ADAMTS6: variants seen among roughly 807,000 people sequenced by gnomAD.
ADAMTS6 encodes A disintegrin and metalloproteinase with thrombospondin motifs 6.
ADAMTS6 carries 23 observed loss-of-function variants against 144.3 expected under a neutral mutation model. The observed-to-expected ratio is 0.16, with a 90% CI of 0.11 to 0.23. ADAMTS6 has a LOEUF of 0.23. Among genes scored for constraint, ADAMTS6 ranks in the 10% least tolerant of loss-of-function variants. ADAMTS6 has a pLI of 1.00. For synonymous variants in ADAMTS6, 444 were observed against 457.5 expected (o/e 0.97, Z 0.38); for missense variants, 999 against 1,379.6 (o/e 0.72, Z 4.37).
At chr5:65,376,548 C>T (rs1751570423) in intron 7 of ADAMTS6, among the ~76,000 whole-genome samples, 1 of 152,064 alleles carries the variant, frequency 6.6e-6, no homozygotes, top group Non-Finnish European at 1.5e-5. Flanking sequence ...AACAGCTTTA[C>T]AGGCCCGGCA....
intron 7 of ADAMTS6, among the ~76,000 whole-genome samples, chr5:65,405,968 A>G (rs1754433697): frequency 6.6e-6 from 1 of 152,152 alleles, no homozygotes; most frequent in Non-Finnish European, 1.5e-5. Flanking sequence ...GGTGTATAAG[A>G]ATGCTTGTGA....
At chr5:65,305,297 C>T (rs1743823642) in intron 9 of ADAMTS6, among the ~76,000 whole-genome samples, 1 of 152,104 alleles carries the variant, frequency 6.6e-6, no homozygotes, top group Non-Finnish European at 1.5e-5. Context: ...AGTAAACACA[C>T]ATGCAAAACA....
intron 20 of ADAMTS6, chr5:65,198,622 A>G (rs1324130582): frequency 1.2e-5 from 2 of 167,104 alleles, no homozygotes; most frequent in African/African-American, 4.8e-5. Flanking sequence ...CTTCCATGAC[A>G]GTGGTGAGCA....
chr5:65,194,527 T>C (rs1755214624), intron 21 of ADAMTS6, among the ~76,000 whole-genome samples: 1 of 152,214 alleles, frequency 6.6e-6, no homozygotes, highest in South Asian at 2.1e-4. Flanking sequence ...TGCAATGTTT[T>C]CAACTTTGTA....
intron 16 of ADAMTS6, 25 bp downstream of exon 16, chr5:65,226,061 C>A (rs1022772142): frequency 5.1e-6 from 8 of 1,581,558 alleles, no homozygotes; most frequent in Admixed American, 3.5e-5. Flanking sequence ...AAAACCCCAA[C>A]AGAAAGGAGT....
intron 10 of ADAMTS6, chr5:65,297,318 A>T (rs1742936592): frequency 2.2e-6 from 1 of 447,838 alleles, no homozygotes; most frequent in Admixed American, 2.5e-5. Context: ...TTAGAATGAC[A>T]CGAGAGACTT....
At chr5:65,282,000 A>G (rs1204357025) in intron 11 of ADAMTS6, among the ~76,000 whole-genome samples, 1 of 152,188 alleles carries the variant, frequency 6.6e-6, no homozygotes, top group African/African-American at 2.4e-5. Context: ...AGCTTACACA[A>G]GGGGAGGAGG....
At chr5:65,238,853 C>A (rs1758909682) in intron 15 of ADAMTS6, among the ~76,000 whole-genome samples, 2 of 152,156 alleles carry the variant, frequency 1.3e-5, no homozygotes, top group South Asian at 4.1e-4. Flanking sequence ...GTTTAATACT[C>A]AGTTTTTCCC....
rs1029673817 is a variant in ADAMTS6 at position 65,275,371 on chromosome 5, G to C, written c.1513-1924C>G. On this transcript the variant is annotated intron_variant, in intron 11 of 24. Coordinates refer to ENST00000381055, the MANE Select transcript of ADAMTS6 (RefSeq NM_197941.4). ...GAAAGAAGAGAAAGAAAGAAAGAAA[G>C]AAAGAAAGAAAGAAAGAAAGAAAGA... 3.1e-4 allele frequency among the ~76,000 whole-genome samples: 35 copies of C among 113,274 alleles called. 1 individual carries two copies. The highest frequency in any genetic ancestry group is 1.2e-3 in the African/African-American group (35 of 28,938). The allele number at this position is 113,274 out of a possible 152,430, so 74.3% of individuals were successfully genotyped here.
chr5:65,170,854 T>G, intron 23 of ADAMTS6, 81 bp from the exon 24 acceptor site: 1 of 1,435,082 alleles, frequency 7.0e-7, no homozygotes, highest in Non-Finnish European at 9.5e-7. Flanking sequence ...TCATTTCAAA[T>G]ACAACACAAT....
At chr5:65,374,723 T>C (rs916272320) in intron 7 of ADAMTS6, among the ~76,000 whole-genome samples, 14 of 152,336 alleles carry the variant, frequency 9.2e-5, no homozygotes, top group African/African-American at 3.1e-4. Flanking sequence ...CCCATCAAGC[T>C]ACCAATGACT....
At chr5:65,352,232 A>T (rs929134594) in intron 7 of ADAMTS6, among the ~76,000 whole-genome samples, 4 of 144,966 alleles carry the variant, frequency 2.8e-5, no homozygotes, top group Admixed American at 1.5e-4. Flanking sequence ...TAACCAAAAG[A>T]AGAATTTAAA....
intron 14 of ADAMTS6, among the ~76,000 whole-genome samples, chr5:65,248,144 T>A (rs1418140564): frequency 6.6e-6 from 1 of 152,154 alleles, no homozygotes; most frequent in Non-Finnish European, 1.5e-5. Context: ...ATTTCCTGAC[T>A]CCCTAGTTAT....
At chr5:65,360,888 T>C (rs917055894) in intron 7 of ADAMTS6, among the ~76,000 whole-genome samples, 1 of 152,326 alleles carries the variant, frequency 6.6e-6, no homozygotes, top group East Asian at 1.9e-4. Context: ...TAAAACTTTT[T>C]ACCAATTTTT....
chr5:65,466,776 C>T (rs972249615), intron 3 of ADAMTS6, among the ~76,000 whole-genome samples: 8 of 152,200 alleles, frequency 5.3e-5, no homozygotes, highest in Non-Finnish European at 1.2e-4. Flanking sequence ...GGCGCGGTGG[C>T]TCACGCCTGT....
At chr5:65,363,903 A>G (rs1750061038) in intron 7 of ADAMTS6, among the ~76,000 whole-genome samples, 2 of 152,240 alleles carry the variant, frequency 1.3e-5, no homozygotes, top group Non-Finnish European at 1.5e-5. Flanking sequence ...ATGTTGTGAA[A>G]AGCTTGTGCC....
chr5:65,406,095 G>C (rs1440688896), intron 7 of ADAMTS6, among the ~76,000 whole-genome samples: 1 of 152,172 alleles, frequency 6.6e-6, no homozygotes. Context: ...TCTGCAAAAA[G>C]GGACAATTTG....
chr5:65,351,616 C>T (rs1466551928), intron 7 of ADAMTS6, among the ~76,000 whole-genome samples: 3 of 151,892 alleles, frequency 2.0e-5, no homozygotes, highest in Non-Finnish European at 2.9e-5. Flanking sequence ...AGATAAAATA[C>T]CAAGAAAATT....
At chr5:65,217,495 G>A (rs1206898978) in intron 18 of ADAMTS6, among the ~76,000 whole-genome samples, 1 of 151,864 alleles carries the variant, frequency 6.6e-6, no homozygotes, top group Non-Finnish European at 1.5e-5. Flanking sequence ...AGGCATTAAG[G>A]AAGAATGACT....
Sources: gnomAD v4.1 joint callset for allele counts (sites outside exome capture counted in the v4.1 genomes callset) on GRCh38, gnomAD v4.1.1 for gene constraint, MANE v1.5 for transcripts, NCBI Gene and HGNC (gene_info 2026-07-23, HGNC 2026-07-21) for gene names.